WDFY3: variants seen among roughly 807,000 people sequenced by gnomAD.
WDFY3 encodes WD repeat and FYVE domain containing 3, also known as WD repeat and FYVE domain-containing protein 3.
In WDFY3, 66 loss-of-function variants were observed where a neutral mutation model predicts 409.6. The observed-to-expected ratio is 0.16, with a 90% CI of 0.13 to 0.20. The LOEUF (loss-of-function observed/expected upper bound fraction) is 0.20. Among genes scored for constraint, WDFY3 ranks in the 10% least tolerant of loss-of-function variants. WDFY3 has a pLI of 1.00. For synonymous variants in WDFY3, 1,521 were observed against 1,537.1 expected, an observed-to-expected ratio of 0.99 and a Z score of 0.25; for missense variants, 3,031 against 4,298.1, an observed-to-expected ratio of 0.71 and a Z score of 8.24.
At chr4:84,736,472 C>G (rs538775783) in intron 41 of WDFY3, 145 bp from the exon 42 acceptor site, 20 of 745,428 alleles carry the variant, frequency 2.7e-5, no homozygotes, top group Non-Finnish European at 3.6e-5. Flanking sequence ...ATTCAGATAT[C>G]ACAAATTTAT....
chr4:84,776,120 G>A (rs546790040), intron 27 of WDFY3, among the ~76,000 whole-genome samples: 98 of 151,996 alleles, frequency 6.4e-4, no homozygotes, highest in African/African-American at 1.8e-3. Context: ...ACAAACTATC[G>A]TAGGGATTAT....
At chr4:84,911,965 CTT>C (rs1461738074) in intron 2 of WDFY3, among the ~76,000 whole-genome samples, 1 of 152,174 alleles carries the variant, frequency 6.6e-6, no homozygotes, top group Non-Finnish European at 1.5e-5. Context: ...GTAGCCATCT[CTT>C]GTCGCTATAG....
intron 1 of WDFY3, among the ~76,000 whole-genome samples, chr4:84,939,566 C>T (rs1198541137): frequency 1.3e-4 from 20 of 152,022 alleles, no homozygotes; most frequent in Admixed American, 1.3e-3. Flanking sequence ...AAAGAGCCTT[C>T]CTTTCTCCTC....
chr4:84,758,005 A>C (rs1741748209), intron 32 of WDFY3, among the ~76,000 whole-genome samples: 1 of 152,138 alleles, frequency 6.6e-6, no homozygotes, highest in South Asian at 2.1e-4. Flanking sequence ...CTTTTTAAGG[A>C]GATAATCAGT....
At chr4:84,719,653 TATAC>T (rs1008604403) in intron 47 of WDFY3, among the ~76,000 whole-genome samples, 112 of 152,264 alleles carry the variant, frequency 7.4e-4, no homozygotes, top group African/African-American at 2.5e-3. Flanking sequence ...ATTTTATGCA[TATAC>T]ATACATACAT....
At chr4:84,854,346 C>T (rs1314743529) in intron 4 of WDFY3, among the ~76,000 whole-genome samples, 2 of 152,082 alleles carry the variant, frequency 1.3e-5, no homozygotes, top group East Asian at 1.9e-4. Context: ...GATAGAGGAA[C>T]TAAAGCATGA....
At chr4:84,895,952 A>T (rs1765568235) in intron 3 of WDFY3, among the ~76,000 whole-genome samples, 1 of 152,174 alleles carries the variant, frequency 6.6e-6, no homozygotes, top group African/African-American at 2.4e-5. Flanking sequence ...AAATTGGAAC[A>T]TGGCGAAATA....
At chr4:84,888,899 C>T (rs760706031) in intron 3 of WDFY3, among the ~76,000 whole-genome samples, 26 of 151,898 alleles carry the variant, frequency 1.7e-4, no homozygotes, top group Non-Finnish European at 3.7e-4. Context: ...TGTGCTTAGG[C>T]CACACTAGTG....
At chr4:84,816,670 T>A (rs192009486) in intron 13 of WDFY3, among the ~76,000 whole-genome samples, 1 of 152,250 alleles carries the variant, frequency 6.6e-6, no homozygotes, top group East Asian at 1.9e-4. Context: ...TAAATGAAAG[T>A]GAAACATTCG....
At chr4:84,684,517 A>C (rs1578124283) in intron 62 of WDFY3, among the ~76,000 whole-genome samples, 1 of 152,178 alleles carries the variant, frequency 6.6e-6, no homozygotes, top group African/African-American at 2.4e-5. Context: ...GCAGGAATCC[A>C]CCTCCACTTT....
intron 5 of WDFY3, among the ~76,000 whole-genome samples, chr4:84,841,710 T>G (rs1159035564): frequency 6.6e-6 from 1 of 152,182 alleles, no homozygotes; most frequent in African/African-American, 2.4e-5. Flanking sequence ...GAGCACTGTT[T>G]AGAAGTGCAG....
At chr4:84,742,724 G>A (rs931351865) in intron 37 of WDFY3, among the ~76,000 whole-genome samples, 1 of 152,114 alleles carries the variant, frequency 6.6e-6, no homozygotes, top group Admixed American at 6.5e-5. Flanking sequence ...CAGTCCTTCC[G>A]AGAATCAAAT....
chr4:84,673,066 C>T (rs1294868445), intron 67 of WDFY3, 75 bp from the exon 68 acceptor site: 15 of 1,588,698 alleles, frequency 9.4e-6, no homozygotes, highest in East Asian at 6.7e-5. Context: ...CATTAATAAT[C>T]GAATGGAAAG....
intron 8 of WDFY3, among the ~76,000 whole-genome samples, chr4:84,829,567 A>G (rs1309247773): frequency 6.6e-6 from 1 of 152,134 alleles, no homozygotes; most frequent in Non-Finnish European, 1.5e-5. Flanking sequence ...TTTAAGAAGA[A>G]AAATCTAGTA....
chr4:84,828,484 C>T (rs189666741), intron 9 of WDFY3, among the ~76,000 whole-genome samples: 1 of 152,168 alleles, frequency 6.6e-6, no homozygotes, highest in East Asian at 1.9e-4. Context: ...AATTCTTCTC[C>T]CTCAGCTACT....
At chr4:84,867,178 C>T (rs1022419332) in intron 3 of WDFY3, among the ~76,000 whole-genome samples, 3 of 152,116 alleles carry the variant, frequency 2.0e-5, no homozygotes, top group South Asian at 4.1e-4. Context: ...TCTTCCTTTA[C>T]CTTGATCATG....
In WDFY3 at chr4:84,836,947, G is replaced by T. The variant is rs1756658338; in HGVS notation, c.558C>A (p.Leu186=). The change falls in exon 7 of 68, where the codon CTC becomes CTA. Residue 186 remains leucine, a synonymous_variant. Coordinates refer to ENST00000295888, the MANE Select transcript of WDFY3 (RefSeq NM_014991.6). ...TTCATACCTGTACAAAAACTTTCTG[G>T]AGTAGTCCTCGACGTTCTGCTAGAG... ...ELPLAERRGL[L]QKVFVQILVK... The T allele has an allele frequency of 6.3e-7, 1 of 1,581,340 alleles. No homozygotes were observed. Among genetic ancestry groups the T allele is most frequent in the Non-Finnish European group, 8.6e-7 (1 of 1,163,964 alleles).
intron 48 of WDFY3, among the ~76,000 whole-genome samples, chr4:84,717,756 A>T (rs900908202): frequency 4.6e-5 from 7 of 152,164 alleles, no homozygotes; most frequent in African/African-American, 1.7e-4. Context: ...GTACCTGATG[A>T]TGCTCTTTCA....
chr4:84,826,961 G>C lies in WDFY3; in HGVS notation c.977C>G (p.Ala326Gly). 1 of 1,607,560 alleles carries C rather than the reference G, an allele frequency of 6.2e-7. No homozygotes were observed. Among genetic ancestry groups the C allele is most frequent in the East Asian group, 2.3e-5 (1 of 44,364 alleles). ...LLLRLEQAKE[A>G]ESKDALKDLV... Reference sequence around the variant, plus strand: ...ATCTTTCAAGGCATCTTTGGATTCTGCCTCTTTTGCTTGTTCCAATCTAGA... The same window carrying C: ...ATCTTTCAAGGCATCTTTGGATTCTCCCTCTTTTGCTTGTTCCAATCTAGA... The change falls in exon 10 of 68, where the codon GCA (alanine) becomes GGA (glycine). Residue 326 changes from alanine (A) to glycine (G), a missense_variant. Ala to Gly is a moderately conservative substitution (Grantham distance 60). Around this residue, in one of 16 missense-constraint regions of WDFY3, gnomAD observed 1,322 missense variants for 1,697.9 expected, o/e 0.78. Transcript: ENST00000295888.
Sources: gnomAD v4.1 joint callset for allele counts (sites outside exome capture counted in the v4.1 genomes callset) on GRCh38, gnomAD v4.1.1 for gene constraint, gnomAD v4.1.1 regional missense constraint, MANE v1.5 for transcripts, NCBI Gene and HGNC (gene_info 2026-07-23, HGNC 2026-07-21) for gene names.